Variants in CTTNBP2 observed in about 807,000 individuals in gnomAD.
The protein encoded by CTTNBP2 is cortactin-binding protein 2.
A neutral mutation model predicts 156.9 loss-of-function variants in CTTNBP2; 108 were observed. That is an observed-to-expected ratio of 0.69 (90% CI 0.59 to 0.81). CTTNBP2 has a LOEUF of 0.81. Ranked by LOEUF, CTTNBP2 falls within the 30% of genes least tolerant of loss-of-function variation. The probability of loss-of-function intolerance (pLI) is 0.00; values close to 1 mark genes in which losing one functional copy is unlikely to be tolerated. For missense variants in CTTNBP2, 1,924 were observed against 2,035.4 expected, an observed-to-expected ratio of 0.95 and a Z score of 1.05; for synonymous variants, 767 against 751.8, an observed-to-expected ratio of 1.02 and a Z score of -0.33.
At chr7:117,716,236 T>A (rs529028048) in intron 22 of CTTNBP2, among the ~76,000 whole-genome samples, 3 of 135,626 alleles carry the variant, frequency 2.2e-5, no homozygotes, top group South Asian at 2.4e-4. Flanking sequence ...CAGTACTACT[T>A]TTTTTTTGTG....
At chr7:117,783,609 G>A (rs960197192) in intron 5 of CTTNBP2, among the ~76,000 whole-genome samples, 5 of 151,984 alleles carry the variant, frequency 3.3e-5, no homozygotes, top group Admixed American at 6.6e-5. Flanking sequence ...TAAAAATAAC[G>A]GGATCTCTGA....
At position 117,796,065 on chromosome 7, in the gene CTTNBP2, C is replaced by T. The variant is rs574560521; in HGVS notation, c.415-3284G>A. Reference sequence around the variant, plus strand: ...CCTTTATCAAAAACATTCAAACTCACTCACTTCCCCTCTTCATCCTATCTC... The same window carrying T: ...CCTTTATCAAAAACATTCAAACTCATTCACTTCCCCTCTTCATCCTATCTC... On this transcript the variant is annotated intron_variant, in intron 3 of 22. Coordinates refer to ENST00000160373, the MANE Select transcript of CTTNBP2 (RefSeq NM_033427.3). 5.3e-5 allele frequency among the ~76,000 whole-genome samples: 8 copies of T among 152,298 alleles called. No homozygotes were observed. The South Asian group carries it at 1.7e-3, about 32-fold the overall frequency.
In CTTNBP2 at chr7:117,842,689, C is replaced by A. The variant is rs1465641161; in HGVS notation, c.189+18520G>T. Among the ~76,000 whole-genome samples, 3 of 152,120 alleles carry A rather than the reference C, an allele frequency of 2.0e-5. No homozygotes were observed. In the East Asian group the frequency reaches 5.8e-4, roughly 29 times the overall value. ...AAAATAGAGATAGAAAAAATGTATTCACCTAAAATCAAAAAATGGGTATTT... is the reference window on the plus strand; with the variant it reads ...AAAATAGAGATAGAAAAAATGTATTAACCTAAAATCAAAAAATGGGTATTT... On this transcript the variant is annotated intron_variant, in intron 2 of 22. Coordinates refer to ENST00000160373, the MANE Select transcript of CTTNBP2 (RefSeq NM_033427.3).
intron 2 of CTTNBP2, among the ~76,000 whole-genome samples, chr7:117,846,011 C>T (rs1434962090): frequency 1.3e-5 from 2 of 150,278 alleles, no homozygotes; most frequent in Non-Finnish European, 3.0e-5. Context: ...CCACCACGCC[C>T]GGCTAATTTT....
rs1804770679 is a variant in CTTNBP2 at position 117,873,412 on chromosome 7, C to T, written c.4G>A (p.Ala2Thr). Residue 2 changes from alanine to threonine, a missense_variant, in exon 1 of 23, where the codon GCG becomes ACG. Transcript: ENST00000160373. M[A>T]TDGASCEPDL... is the part of the protein sequence containing the mutation. The stretch of plus-strand genomic sequence containing the variant: ...GGCTCGCAGCTCGCGCCGTCCGTCG[C>T]CATCTTCCTGCTCTAGCGGATCCGA... The T allele has an allele frequency of 1.3e-6, 2 of 1,499,076 alleles. No homozygotes were observed. The highest frequency in any genetic ancestry group is 1.8e-6 in the Non-Finnish European group (2 of 1,131,646). The allele number at this position is 1,499,076 out of a possible 1,614,324, so 92.9% of individuals were successfully genotyped here. A position where few individuals can be genotyped will look rare whatever the true frequency, so the allele number is the denominator to read the frequency against.
chr7:117,749,599 T>A (rs1310806896), intron 12 of CTTNBP2, among the ~76,000 whole-genome samples: 1 of 152,142 alleles, frequency 6.6e-6, no homozygotes, highest in Non-Finnish European at 1.5e-5. Context: ...TTCAGATGGA[T>A]GTGGAAAGGA....
chr7:117,818,364 G>A (rs1040897444), intron 2 of CTTNBP2, among the ~76,000 whole-genome samples: 5 of 152,112 alleles, frequency 3.3e-5, no homozygotes, highest in South Asian at 4.1e-4. Context: ...GCTCTAACCC[G>A]CTCAACACAG....
At chr7:117,741,078 GTTT>G (rs1166459302) in intron 14 of CTTNBP2, among the ~76,000 whole-genome samples, 3 of 152,210 alleles carry the variant, frequency 2.0e-5, no homozygotes, top group Non-Finnish European at 4.4e-5. Context: ...TGTCTGAATG[GTTT>G]TTTATCCTCC....
chr7:117,776,048 A>C (rs183513306), intron 8 of CTTNBP2, among the ~76,000 whole-genome samples: 21 of 152,330 alleles, frequency 1.4e-4, no homozygotes, highest in African/African-American at 4.8e-4. Context: ...GGAGCTCTAA[A>C]TACACATCTT....
chr7:117,844,759 G>A (rs2117154836), intron 2 of CTTNBP2, among the ~76,000 whole-genome samples: 2 of 152,240 alleles, frequency 1.3e-5, no homozygotes, highest in East Asian at 3.9e-4. Flanking sequence ...AGAGATGGAC[G>A]GTTTGCCAGA....
At chr7:117,786,222 G>A (rs538604474) in intron 4 of CTTNBP2, among the ~76,000 whole-genome samples, 1 of 151,932 alleles carries the variant, frequency 6.6e-6, no homozygotes, top group East Asian at 1.9e-4. Flanking sequence ...CAATTATTTG[G>A]GTCTATGAAT....
intron 3 of CTTNBP2, among the ~76,000 whole-genome samples, chr7:117,800,403 A>G (rs989077230): frequency 6.6e-6 from 1 of 151,972 alleles, no homozygotes; most frequent in East Asian, 1.9e-4. Flanking sequence ...GAAATATTCT[A>G]TATCTTGTTG....
At chr7:117,848,480 C>G (rs1268034761) in intron 2 of CTTNBP2, among the ~76,000 whole-genome samples, 1 of 152,204 alleles carries the variant, frequency 6.6e-6, no homozygotes, top group Non-Finnish European at 1.5e-5. Context: ...AACATGACCA[C>G]ACTACCCAAT....
chr7:117,857,568 T>C lies in CTTNBP2; in HGVS notation c.189+3641A>G, dbSNP rs34954123. Among the ~76,000 whole-genome samples the C allele has an allele frequency of 0.022, 3,391 of 152,258 alleles. 189 individuals carry two copies. The East Asian group carries it at 0.23, about 11-fold the overall frequency. On this transcript the variant is annotated intron_variant, in intron 2 of 22. Coordinates refer to ENST00000160373, the MANE Select transcript of CTTNBP2 (RefSeq NM_033427.3). ...TTAAAGATTTTAAAATTCTAAAGAATTTGTCTCACAACAAAATCATTTCTA... is the reference window on the plus strand; with the variant it reads ...TTAAAGATTTTAAAATTCTAAAGAACTTGTCTCACAACAAAATCATTTCTA...
intron 2 of CTTNBP2, among the ~76,000 whole-genome samples, chr7:117,857,852 T>C (rs915830700): frequency 3.9e-5 from 6 of 152,198 alleles, no homozygotes; most frequent in Non-Finnish European, 5.9e-5. Flanking sequence ...AATTTCTTTC[T>C]GGGGCATTAG....
Position 117,791,939 on chromosome 7 carries a change from G to A in CTTNBP2, c.1257C>T (p.Asn419=), listed in dbSNP as rs143965386. Residue 419 remains asparagine, a synonymous_variant, in exon 4 of 23, where the codon AAC becomes AAT. Transcript: ENST00000160373. ...TAQTPGIAPQ[N]SQAPPMHSLH... ...AACTGTGCATAGGTGGAGCTTGCGA[G>A]TTCTGAGGAGCTATGCCTGGTGTTT... 1.2e-6 allele frequency: 2 copies of A among 1,614,034 alleles called. No homozygotes were observed. The highest frequency in any genetic ancestry group is 2.7e-5 in the African/African-American group (2 of 74,932).
At chr7:117,780,818 T>C (rs1563000010) in intron 6 of CTTNBP2, among the ~76,000 whole-genome samples, 1 of 152,220 alleles carries the variant, frequency 6.6e-6, no homozygotes, top group Non-Finnish European at 1.5e-5. Context: ...TCCCAGGAAA[T>C]TTTGAAAAGT....
At chr7:117,842,115 T>G (rs1166487301) in intron 2 of CTTNBP2, among the ~76,000 whole-genome samples, 4 of 152,152 alleles carry the variant, frequency 2.6e-5, no homozygotes, top group Non-Finnish European at 2.9e-5. Context: ...AAAAATAGGT[T>G]AATAATAGAG....
Position 117,742,417 on chromosome 7 carries a change from G to A in CTTNBP2, c.3535+3414C>T, listed in dbSNP as rs1584930442. Among the ~76,000 whole-genome samples the A allele has an allele frequency of 2.0e-5, 3 of 152,174 alleles. No homozygotes were observed. In the East Asian group the frequency reaches 5.8e-4, roughly 29 times the overall value. Reference sequence around the variant, plus strand: ...TTAAAAGGGTCAGATCAGCAGATTGGGTGGATGAATGCCCTAGAATAGAAG... The same window carrying A: ...TTAAAAGGGTCAGATCAGCAGATTGAGTGGATGAATGCCCTAGAATAGAAG... On this transcript the variant is annotated intron_variant, in intron 14 of 22. Transcript: ENST00000160373.
Sources: gnomAD v4.1 joint callset for allele counts (sites outside exome capture counted in the v4.1 genomes callset) on GRCh38, gnomAD v4.1.1 for gene constraint, MANE v1.5 for transcripts, NCBI Gene and HGNC (gene_info 2026-07-23, HGNC 2026-07-21) for gene names.